OVOL2: variants seen among roughly 807,000 people sequenced by gnomAD.
The protein encoded by OVOL2 is transcription factor Ovo-like 2.
Under a neutral mutation model 18.1 loss-of-function variants are expected in OVOL2, and 13 were observed. The observed-to-expected ratio is 0.72, with a 90% CI of 0.47 to 1.14. OVOL2 has a LOEUF of 1.14. Among genes scored for constraint, OVOL2 ranks in the 50% most tolerant of loss-of-function variants. OVOL2 has a pLI of 0.00. For synonymous variants in OVOL2, 166 were observed against 162.7 expected (o/e 1.02, Z -0.16); for missense variants, 335 against 383.0 (o/e 0.87, Z 1.05).
intron 3 of OVOL2, among the ~76,000 whole-genome samples, chr20:18,034,700 C>T (rs1420719538): frequency 7.4e-6 from 1 of 135,120 alleles, no homozygotes; most frequent in Non-Finnish European, 1.7e-5. Flanking sequence ...CTTGGGTGAA[C>T]TCACAGCCAA....
In OVOL2 at chr20:18,057,602, G is replaced by T. The variant is rs577201768; in HGVS notation, c.33C>A (p.Ser11Arg). 4 of 1,595,780 alleles carry T rather than the reference G, an allele frequency of 2.5e-6. No homozygotes were observed. The highest frequency in any genetic ancestry group is 2.3e-5 in the South Asian group (2 of 88,260). Residue 11 changes from serine (S) to arginine (R), a missense_variant, in exon 1 of 4, where the codon AGC becomes AGA. Coordinates refer to ENST00000278780, the MANE Select transcript of OVOL2 (RefSeq NM_021220.4). The surrounding 1 kb of genome is among the most constrained non-coding windows in gnomAD (Gnocchi z 6.3). ...CCCAGCTGCGGACCGAGACCCCCAG[G>T]CTCCTCCTCTTCACCAGGAAGACTT... MPKVFLVKRR[S>R]LGVSVRSWDE... is the part of the protein sequence containing the mutation.
In OVOL2 at chr20:18,056,584, A is replaced by G. The variant is rs2122731549; in HGVS notation, c.321+73T>C. On this transcript the variant is annotated intron_variant, in intron 2 of 3. Coordinates refer to ENST00000278780, the MANE Select transcript of OVOL2 (RefSeq NM_021220.4). The surrounding 1 kb of genome is among the most constrained non-coding windows in gnomAD (Gnocchi z 4.2). ...GGTTGCGCAGGCGGGCGCGGCAGGG[A>G]GGGGCGCCGGCCTCGGGAGCCCGAC... The G allele has an allele frequency of 9.3e-6, 12 of 1,285,578 alleles. No homozygotes were observed. Among genetic ancestry groups the G allele is most frequent in the Non-Finnish European group, 1.2e-5 (12 of 1,014,888 alleles). The allele number at this position is 1,285,578 out of a possible 1,614,324, so 79.6% of individuals were successfully genotyped here.
chr20:18,038,730 C>T (rs1178549670), intron 3 of OVOL2, among the ~76,000 whole-genome samples: 1 of 151,968 alleles, frequency 6.6e-6, no homozygotes, highest in Non-Finnish European at 1.5e-5. Flanking sequence ...AGGACATCCT[C>T]AGAGATGATG....
intron 3 of OVOL2, among the ~76,000 whole-genome samples, chr20:18,030,189 C>G (rs1568631762): frequency 6.6e-6 from 1 of 152,226 alleles, no homozygotes; most frequent in Admixed American, 6.5e-5. Context: ...CATGTTTGCA[C>G]TGTAATGCAG....
At chr20:18,035,747 G>T (rs1274253624) in intron 3 of OVOL2, among the ~76,000 whole-genome samples, 1 of 152,044 alleles carries the variant, frequency 6.6e-6, no homozygotes, top group African/African-American at 2.4e-5. Flanking sequence ...GTCGGGATGG[G>T]GTAAATAGGT....
intron 3 of OVOL2, among the ~76,000 whole-genome samples, chr20:18,034,871 G>T (rs11905551): frequency 6.6e-6 from 1 of 151,900 alleles, no homozygotes; most frequent in African/African-American, 2.4e-5. Context: ...GAAGAGATGG[G>T]GGAGTCGGGG....
chr20:18,030,901 C>T (rs796447068), intron 3 of OVOL2, among the ~76,000 whole-genome samples: 77 of 152,306 alleles, frequency 5.1e-4, no homozygotes, highest in African/African-American at 1.9e-3. Context: ...CCCTTGGTGA[C>T]CCTTTCTAGG....
chr20:18,053,848 T>C (rs2036792878), intron 2 of OVOL2, among the ~76,000 whole-genome samples: 1 of 152,114 alleles, frequency 6.6e-6, no homozygotes, highest in Non-Finnish European at 1.5e-5. Context: ...TCCAGCTCTT[T>C]ACCGCCAACT....
At chr20:18,031,749 C>T (rs1024682455) in intron 3 of OVOL2, among the ~76,000 whole-genome samples, 4 of 152,174 alleles carry the variant, frequency 2.6e-5, no homozygotes, top group Non-Finnish European at 5.9e-5. Flanking sequence ...GGACTGCTTT[C>T]GCCGTCTGCC....
At chr20:18,050,886 G>C (rs1568639508) in intron 2 of OVOL2, 1 of 152,382 alleles carries the variant, frequency 6.6e-6, no homozygotes, top group Non-Finnish European at 1.5e-5. Context: ...AGAGAAGTCA[G>C]TTGGCCAAAT....
intron 2 of OVOL2, among the ~76,000 whole-genome samples, chr20:18,043,679 G>A (rs769964250): frequency 1.1e-4 from 17 of 152,144 alleles, no homozygotes; most frequent in Admixed American, 3.3e-4. Flanking sequence ...TTTGTAAAGC[G>A]GCTTGGTCAG....
At chr20:18,038,872 T>C (rs566929928) in intron 3 of OVOL2, among the ~76,000 whole-genome samples, 1 of 151,916 alleles carries the variant, frequency 6.6e-6, no homozygotes, top group Non-Finnish European at 1.5e-5. Flanking sequence ...GCTGGATGGG[T>C]CCCTTGACAA....
At chr20:18,054,363 T>C (rs915977526) in intron 2 of OVOL2, among the ~76,000 whole-genome samples, 1 of 152,110 alleles carries the variant, frequency 6.6e-6, no homozygotes, top group African/African-American at 2.4e-5. Context: ...ACACCCCAGG[T>C]GTTAGACGGG....
chr20:18,039,599 C>T (rs11696672), intron 3 of OVOL2, among the ~76,000 whole-genome samples: 50,093 of 132,236 alleles, frequency 0.38, 9,958 homozygotes, highest in Middle Eastern at 0.46. Flanking sequence ...GAGAGCAAGA[C>T]GCTGTCTCAA....
intron 3 of OVOL2, among the ~76,000 whole-genome samples, chr20:18,034,620 C>T (rs2122698804): frequency 6.9e-6 from 1 of 145,844 alleles, no homozygotes; most frequent in African/African-American, 2.6e-5. Context: ...CACTCCCTTC[C>T]CCTCTTTCTC....
chr20:18,054,423 G>T (rs892000429), intron 2 of OVOL2, among the ~76,000 whole-genome samples: 1 of 152,168 alleles, frequency 6.6e-6, no homozygotes, highest in African/African-American at 2.4e-5. Context: ...TGCCCTTCTT[G>T]TGGTCCTGGG....
intron 3 of OVOL2, among the ~76,000 whole-genome samples, chr20:18,027,111 A>G (rs907470694): frequency 1.3e-4 from 20 of 150,140 alleles, no homozygotes; most frequent in Non-Finnish European, 2.5e-4. Context: ...TCAAAGTTGA[A>G]TTTTTTTTTT....
intron 3 of OVOL2, among the ~76,000 whole-genome samples, chr20:18,035,220 G>A (rs996667555): frequency 6.6e-6 from 1 of 152,206 alleles, no homozygotes; most frequent in Non-Finnish European, 1.5e-5. Flanking sequence ...GAAGGGTAAG[G>A]CAGGCTGATC....
intron 3 of OVOL2, among the ~76,000 whole-genome samples, chr20:18,038,765 G>A (rs990425411): frequency 5.9e-5 from 9 of 151,974 alleles, no homozygotes; most frequent in Admixed American, 5.2e-4. Context: ...TCAAGGAGGG[G>A]CTGAGACACC....
Sources: gnomAD v4.1 joint callset for allele counts (sites outside exome capture counted in the v4.1 genomes callset) on GRCh38, gnomAD v4.1.1 for gene constraint, Gnocchi (gnomAD v3.1) non-coding constraint, MANE v1.5 for transcripts, NCBI Gene and HGNC (gene_info 2026-07-23, HGNC 2026-07-21) for gene names.